Variants in JAKMIP3 observed in about 807,000 individuals in gnomAD.
The protein encoded by JAKMIP3 is Janus kinase and microtubule interacting protein 3.
Under a neutral mutation model 118.5 loss-of-function variants are expected in JAKMIP3, and 58 were observed. The observed-to-expected ratio is 0.49, with a 90% CI of 0.40 to 0.61. The LOEUF is 0.61. Ranked by LOEUF, JAKMIP3 falls within the 20% of genes least tolerant of loss-of-function variation. The pLI is 0.00. For missense variants in JAKMIP3, 950 were observed against 1,109.0 expected (o/e 0.86, Z 2.04); for synonymous variants, 486 against 451.2 (o/e 1.08, Z -0.98).
In JAKMIP3 at chr10:132,135,180, T is replaced by G; in HGVS notation, c.969+20T>G. Reference sequence around the variant, plus strand: ...GAGCTGGTGAGCGCGGGCGGGGGCTTCTGGCTCCTGGGGGTTTGTGACTGC... The same window carrying G: ...GAGCTGGTGAGCGCGGGCGGGGGCTGCTGGCTCCTGGGGGTTTGTGACTGC... On this transcript the variant is annotated intron_variant, in intron 5 of 23. Coordinates refer to ENST00000684848, the MANE Select transcript of JAKMIP3 (RefSeq NM_001323087.2). 1 of 1,588,178 alleles carries G rather than the reference T, an allele frequency of 6.3e-7. No homozygotes were observed. Among genetic ancestry groups the G allele is most frequent in the Non-Finnish European group, 8.6e-7 (1 of 1,162,042 alleles).
At chr10:132,170,527 G>GC (rs984239327) in intron 23 of JAKMIP3, among the ~76,000 whole-genome samples, 17 of 152,078 alleles carry the variant, frequency 1.1e-4, no homozygotes, top group African/African-American at 4.1e-4. Flanking sequence ...GGGGAGCAAG[G>GC]CCCCCCACAG....
Position 132,145,147 on chromosome 10 carries a change from C to G in JAKMIP3, c.1643C>G (p.Ala548Gly), listed in dbSNP as rs374576124. 1 of 1,612,420 alleles carries G rather than the reference C, an allele frequency of 6.2e-7. No individual in the cohort carries two copies. The highest frequency in any genetic ancestry group is 2.2e-5 in the East Asian group (1 of 44,870). Residue 548 changes from alanine to glycine, a missense_variant, in exon 12 of 24, where the codon GCG (alanine) becomes GGG (glycine). Physicochemically the swap from Ala to Gly is moderately conservative, Grantham distance 60. Transcript: ENST00000684848. ...CAAGCCGAAGTGCAGAGGGCACAGG[C>G]GCGGATAGAGGACCTGGAGAAGGCC... ...QLQAEVQRAQ[A>G]RIEDLEKALA...
At chr10:132,176,736 A>T (rs1329981744) in intron 23 of JAKMIP3, among the ~76,000 whole-genome samples, 1 of 151,976 alleles carries the variant, frequency 6.6e-6, no homozygotes, top group East Asian at 1.9e-4. Context: ...TGCACCCTCC[A>T]ATCTGTGACC....
chr10:132,076,447 TG>T (rs1201075117), intron 1 of JAKMIP3, among the ~76,000 whole-genome samples: 3 of 152,302 alleles, frequency 2.0e-5, no homozygotes, highest in African/African-American at 7.2e-5. Context: ...TTTTGGCAAT[TG>T]TGAGTCACGT....
rs1397205421 is a variant in JAKMIP3 at position 132,145,100 on chromosome 10, C to T, written c.1603-7C>T. 2 of 1,611,154 alleles carry T rather than the reference C, an allele frequency of 1.2e-6. No individual in the cohort carries two copies. The highest frequency in any genetic ancestry group is 1.7e-6 in the Non-Finnish European group (2 of 1,179,194). On this transcript the variant is annotated splice_region_variant and splice_polypyrimidine_tract_variant and intron_variant, in intron 11 of 23. Transcript: ENST00000684848. ...AAATTTGATGTATCTTTCCTCCCGT[C>T]CTACAGACCCGTGAGCAGCTACAAG...
rs1330938000 is a variant in JAKMIP3, at chr10:132,148,032, C to G, written c.1830C>G (p.Phe610Leu). The G allele has an allele frequency of 6.2e-7, 1 of 1,608,948 alleles. No homozygotes were observed. Among genetic ancestry groups the G allele is most frequent in the African/African-American group, 1.3e-5 (1 of 74,860 alleles). Residue 610 changes from phenylalanine (F) to leucine (L), a missense_variant, in exon 14 of 24, where the codon TTC (phenylalanine) becomes TTG (leucine). Physicochemically the swap from Phe to Leu is conservative, Grantham distance 22 (BLOSUM62 0). Transcript: ENST00000684848. ...GAGACCAAAACGAGCTGCTGGAGTT[C>G]AGGATCCTGGAGCTTGAGGTAGCTG... is the stretch of plus-strand genomic sequence containing the variant. Reference protein sequence around the residue: ...DARDQNELLEFRILELEERER... With the variant: ...DARDQNELLELRILELEERER...
At chr10:132,093,537 C>T (rs1443249418) in intron 1 of JAKMIP3, among the ~76,000 whole-genome samples, 1 of 152,236 alleles carries the variant, frequency 6.6e-6, no homozygotes, top group African/African-American at 2.4e-5. Flanking sequence ...CCCTCTGAGC[C>T]AGGCACGGGA....
chr10:132,180,018 G>C (rs571011021), intron 23 of JAKMIP3, among the ~76,000 whole-genome samples: 1 of 152,290 alleles, frequency 6.6e-6, no homozygotes, highest in South Asian at 2.1e-4. Flanking sequence ...CAAAATTCAT[G>C]GTTTTGATTT....
At chr10:132,046,211 C>T (rs908900302) in intron 1 of JAKMIP3, among the ~76,000 whole-genome samples, 16 of 152,144 alleles carry the variant, frequency 1.1e-4, no homozygotes, top group African/African-American at 3.9e-4. Context: ...TCCCAGCACT[C>T]TGGGAGGCCG....
intron 2 of JAKMIP3, among the ~76,000 whole-genome samples, chr10:132,111,065 G>C (rs1041503084): frequency 6.6e-6 from 1 of 152,252 alleles, no homozygotes; most frequent in South Asian, 2.1e-4. Context: ...ATGAGGAAGT[G>C]CAGGGAGCAG....
intron 13 of JAKMIP3, among the ~76,000 whole-genome samples, chr10:132,146,698 C>T (rs572080943): frequency 1.0e-3 from 153 of 152,322 alleles, no homozygotes; most frequent in Middle Eastern, 3.4e-3. Flanking sequence ...GCGTCCAATG[C>T]AGACTCTGCA....
At position 132,119,070 on chromosome 10, in the gene JAKMIP3, C is replaced by T. The variant is rs569215980; in HGVS notation, c.633+1496C>T. 2.0e-5 allele frequency among the ~76,000 whole-genome samples: 3 copies of T among 152,322 alleles called. No individual in the cohort carries two copies. In the East Asian group the frequency reaches 5.8e-4, roughly 29 times the overall value. ...CCCTCTCACCCCCGATCTGAACCCCCAGAGGCAGCTATTCACAGTTCCTCT... is the reference window on the plus strand; with the variant it reads ...CCCTCTCACCCCCGATCTGAACCCCTAGAGGCAGCTATTCACAGTTCCTCT... On this transcript the variant is annotated intron_variant, in intron 3 of 23. Coordinates refer to ENST00000684848, the MANE Select transcript of JAKMIP3 (RefSeq NM_001323087.2).
chr10:132,139,686 C>T (rs116430498), intron 9 of JAKMIP3, among the ~76,000 whole-genome samples: 27 of 152,296 alleles, frequency 1.8e-4, no homozygotes, highest in African/African-American at 6.5e-4. Flanking sequence ...ACGCCTTGGC[C>T]CTGTGAAGGG....
intron 2 of JAKMIP3, among the ~76,000 whole-genome samples, chr10:132,109,335 A>T (rs1308548480): frequency 6.6e-6 from 1 of 152,150 alleles, no homozygotes; most frequent in Non-Finnish European, 1.5e-5. Context: ...AAAACATTTG[A>T]GGTTAAAAAA....
At chr10:132,151,058 A>AACCTTTCACCCATCC (rs2056095820) in intron 16 of JAKMIP3, among the ~76,000 whole-genome samples, 1 of 148,872 alleles carries the variant, frequency 6.7e-6, no homozygotes, top group Non-Finnish European at 1.5e-5. Flanking sequence ...TCTACCCATT[A>AACCTTTCACCCATCC]ACCTTTCACC....
At chr10:132,110,248 ACTGGTGGCCTAGGCGGCAT>A (rs1360694891) in intron 2 of JAKMIP3, among the ~76,000 whole-genome samples, 47 of 152,306 alleles carry the variant, frequency 3.1e-4, no homozygotes, top group Admixed American at 2.8e-3. Context: ...CCCACAGCCC[ACTGGTGGCCTAGGCGGCAT>A]CTGGTGGCCT....
intron 1 of JAKMIP3, among the ~76,000 whole-genome samples, chr10:132,067,027 T>G (rs1342242204): frequency 6.6e-6 from 1 of 152,098 alleles, no homozygotes. Flanking sequence ...TTGAGAGTCC[T>G]CTCAGTGGAT....
intron 1 of JAKMIP3, among the ~76,000 whole-genome samples, chr10:132,046,324 C>T (rs953138460): frequency 3.9e-5 from 6 of 152,118 alleles, no homozygotes; most frequent in South Asian, 4.1e-4. Context: ...GGCGTGGTGG[C>T]GGGCACCTGT....
rs528717823 is a variant in JAKMIP3 at position 132,112,129 on chromosome 10, G to A, written c.136-4948G>A. 2.3e-4 allele frequency among the ~76,000 whole-genome samples: 35 copies of A among 152,122 alleles called. 1 individual carries two copies. The highest frequency in any genetic ancestry group is 1.9e-3 in the South Asian group (9 of 4,822). ...CCCTTTGCTGAGGTGGCATCTGGGCGAGGATGATGGGCACTGGGGGCCGGA... is the reference window on the plus strand; with the variant it reads ...CCCTTTGCTGAGGTGGCATCTGGGCAAGGATGATGGGCACTGGGGGCCGGA... On this transcript the variant is annotated intron_variant, in intron 2 of 23. Coordinates refer to ENST00000684848, the MANE Select transcript of JAKMIP3 (RefSeq NM_001323087.2). This position sits in a 1 kb window ranked among gnomAD's most constrained non-coding sequence, Gnocchi z 4.3.
Sources: gnomAD v4.1 joint callset for allele counts (sites outside exome capture counted in the v4.1 genomes callset) on GRCh38, gnomAD v4.1.1 for gene constraint, Gnocchi (gnomAD v3.1) non-coding constraint, MANE v1.5 for transcripts, NCBI Gene and HGNC (gene_info 2026-07-23, HGNC 2026-07-21) for gene names.